The following GOPC variants were observed in gnomAD, a reference collection of about 807,000 sequenced individuals.
GOPC encodes Golgi-associated PDZ and coiled-coil motif-containing protein.
Under a neutral mutation model 51.2 loss-of-function variants are expected in GOPC, and 32 were observed. The observed-to-expected ratio is 0.63, with a 90% CI of 0.47 to 0.84. The LOEUF is 0.84. Ranked by LOEUF, GOPC falls within the 40% of genes least tolerant of loss-of-function variation. The probability of loss-of-function intolerance (pLI) is 0.00; values close to 1 mark genes in which losing one functional copy is unlikely to be tolerated. For synonymous variants in GOPC, 190 were observed against 205.1 expected (o/e 0.93, Z 0.63); for missense variants, 441 against 555.5 (o/e 0.79, Z 2.07).
chr6:117,572,959 T>C (rs1779829193), intron 5 of GOPC, among the ~76,000 whole-genome samples: 1 of 152,192 alleles, frequency 6.6e-6, no homozygotes, highest in African/African-American at 2.4e-5. Flanking sequence ...TTTATCCAGA[T>C]AGAAGCTTTT....
chr6:117,580,079 G>C (rs1187303392), intron 1 of GOPC, among the ~76,000 whole-genome samples: 2 of 151,982 alleles, frequency 1.3e-5, no homozygotes, highest in Non-Finnish European at 2.9e-5. Context: ...GGCTTTGAAG[G>C]AAAACAACAA....
chr6:117,571,374 C>A (rs1273125043), intron 5 of GOPC, among the ~76,000 whole-genome samples: 1 of 152,078 alleles, frequency 6.6e-6, no homozygotes, highest in Non-Finnish European at 1.5e-5. Flanking sequence ...ATTACTTATA[C>A]ATTCCTTGGT....
chr6:117,591,513 T>C (rs1780116659), intron 1 of GOPC, among the ~76,000 whole-genome samples: 1 of 152,124 alleles, frequency 6.6e-6, no homozygotes, highest in African/African-American at 2.4e-5. Flanking sequence ...CCTCTGCCTA[T>C]AAAGAGCAGA....
At chr6:117,572,733 A>T (rs1339750296) in intron 5 of GOPC, among the ~76,000 whole-genome samples, 1 of 152,214 alleles carries the variant, frequency 6.6e-6, no homozygotes, top group East Asian at 1.9e-4. Flanking sequence ...CTAGAAAACA[A>T]TGGCATAAGT....
rs1001588427 is a variant in GOPC at position 117,561,727 on chromosome 6, G to A, written c.*1527C>T. Reference sequence around the variant, plus strand: ...TAATGTCAGTAACAATATACACTACGAAGTGCACTTCCATTACAAATTAAC... The same window carrying A: ...TAATGTCAGTAACAATATACACTACAAAGTGCACTTCCATTACAAATTAAC... On this transcript the variant is annotated 3_prime_UTR_variant, in exon 9 of 9. Transcript: ENST00000368498. 6.3e-5 allele frequency: 13 copies of A among 206,038 alleles called. No homozygotes were observed. Among genetic ancestry groups the A allele is most frequent in the Non-Finnish European group, 1.2e-4 (12 of 100,578 alleles). The allele number at this position is 206,038 out of a possible 1,614,324, so 12.8% of individuals were successfully genotyped here.
At chr6:117,586,935 T>C (rs996937503) in intron 1 of GOPC, among the ~76,000 whole-genome samples, 1 of 152,214 alleles carries the variant, frequency 6.6e-6, no homozygotes, top group South Asian at 2.1e-4. Flanking sequence ...CACTTTATTA[T>C]AAAAAATCTC....
chr6:117,576,030 T>C (rs1454665114), intron 3 of GOPC, among the ~76,000 whole-genome samples: 1 of 152,144 alleles, frequency 6.6e-6, no homozygotes, highest in Non-Finnish European at 1.5e-5. Flanking sequence ...TTAAGCAAAT[T>C]TTCAGCAATT....
intron 5 of GOPC, among the ~76,000 whole-genome samples, chr6:117,572,846 C>T (rs1313748430): frequency 6.6e-6 from 1 of 152,188 alleles, no homozygotes; most frequent in African/African-American, 2.4e-5. Context: ...TATTTAAGGC[C>T]ATACATTATC....
chr6:117,575,072 C>T (rs1779860371), intron 4 of GOPC, 105 bp downstream of exon 4: 2 of 873,298 alleles, frequency 2.3e-6, no homozygotes, highest in South Asian at 3.8e-5. Context: ...GAGCAAGACT[C>T]CATCTCAAAA....
At chr6:117,568,647 C>T (rs1779745969) in intron 7 of GOPC, among the ~76,000 whole-genome samples, 1 of 152,160 alleles carries the variant, frequency 6.6e-6, no homozygotes, top group South Asian at 2.1e-4. Flanking sequence ...CAGTGGTCTT[C>T]AGCAAAGTTT....
chr6:117,585,957 T>C (rs935176883), intron 1 of GOPC, among the ~76,000 whole-genome samples: 10 of 152,246 alleles, frequency 6.6e-5, no homozygotes, highest in African/African-American at 2.4e-4. Context: ...TAATGAACTA[T>C]AGCACAAAAA....
intron 1 of GOPC, among the ~76,000 whole-genome samples, chr6:117,588,116 A>C (rs527619322): frequency 5.9e-5 from 9 of 152,246 alleles, no homozygotes; most frequent in African/African-American, 2.2e-4. Context: ...CCTAGTCTAA[A>C]GTGATGCTCT....
chr6:117,578,869 G>A, intron 2 of GOPC, 31 bp downstream of exon 2: 1 of 1,499,790 alleles, frequency 6.7e-7, no homozygotes, highest in Non-Finnish European at 9.0e-7. Flanking sequence ...TAAAATACAT[G>A]CAAGGGCATG....
At chr6:117,564,537 C>T (rs9385019) in intron 8 of GOPC, among the ~76,000 whole-genome samples, 36,628 of 151,948 alleles carry the variant, frequency 0.24, 4,891 homozygotes, top group East Asian at 0.34. Flanking sequence ...TTGACTATAT[C>T]ACCTATTTAG....
intron 1 of GOPC, among the ~76,000 whole-genome samples, chr6:117,598,146 C>A (rs1780228511): frequency 6.6e-6 from 1 of 150,960 alleles, no homozygotes. Flanking sequence ...ATCTCTTGAG[C>A]CCATGAGTTC....
intron 7 of GOPC, among the ~76,000 whole-genome samples, chr6:117,569,260 C>T (rs1779759194): frequency 6.6e-6 from 1 of 152,170 alleles, no homozygotes; most frequent in Non-Finnish European, 1.5e-5. Context: ...GTCTCAGGTC[C>T]TGTTCTGAGT....
intron 1 of GOPC, among the ~76,000 whole-genome samples, chr6:117,599,618 C>T (rs73766253): frequency 0.018 from 2,689 of 152,266 alleles, 94 homozygotes; most frequent in African/African-American, 0.062. Context: ...TTTCCCCTCC[C>T]CATTTTCCTA....
chr6:117,590,063 A>G (rs1230471727), intron 1 of GOPC, among the ~76,000 whole-genome samples: 24 of 152,220 alleles, frequency 1.6e-4, no homozygotes, highest in Admixed American at 1.6e-3. Flanking sequence ...ACATGAATAT[A>G]GAGTCAACAA....
rs979222512 is a variant in GOPC at position 117,602,375 on chromosome 6, G to C, written c.-87C>G. 13 of 1,322,130 alleles carry C rather than the reference G, an allele frequency of 9.8e-6. No homozygotes were observed. The African/African-American group carries it at 1.9e-4, about 20-fold the overall frequency. 81.9% of individuals were successfully genotyped at this position (1,322,130 alleles called of 1,614,324 possible). ...AACTGCTGGGACTGAGGGGACCCCC[G>C]CGCGCGCGGGCACACTCCGTCACCT... On this transcript the variant is annotated 5_prime_UTR_variant, in exon 1 of 9. Transcript: ENST00000368498.
Sources: gnomAD v4.1 joint callset for allele counts (sites outside exome capture counted in the v4.1 genomes callset) on GRCh38, gnomAD v4.1.1 for gene constraint, MANE v1.5 for transcripts, NCBI Gene and HGNC (gene_info 2026-07-23, HGNC 2026-07-21) for gene names.